The following GK5 variants were observed in gnomAD, a reference collection of about 807,000 sequenced individuals.
GK5 encodes the protein ATP:glycerol 3-phosphotransferase 5.
In GK5, 39 loss-of-function variants were observed where a neutral mutation model predicts 77.3. That is an observed-to-expected ratio of 0.50 (90% CI 0.39 to 0.66). GK5 has a LOEUF of 0.66. Among genes scored for constraint, GK5 ranks in the 30% least tolerant of loss-of-function variants. The pLI, the probability that GK5 is intolerant of heterozygous loss-of-function variation, is 0.00. For missense variants in GK5, 487 were observed against 633.8 expected (o/e 0.77, Z 2.49); for synonymous variants, 211 against 208.0 (o/e 1.01, Z -0.13).
At position 142,208,331 on chromosome 3, in the gene GK5, C is replaced by T. The variant is rs867223098; in HGVS notation, c.318-3543G>A. ...TATCTATTTTTTATTTTGTTAACTG[C>T]TTTTGATGTCATTTAAGGAATCACT... On this transcript the variant is annotated intron_variant, in intron 3 of 15. Coordinates refer to ENST00000392993, the MANE Select transcript of GK5 (RefSeq NM_001039547.3). Among the ~76,000 whole-genome samples, 19 of 152,142 alleles carry T rather than the reference C, an allele frequency of 1.2e-4. No homozygotes were observed. The South Asian group carries it at 2.3e-3, about 18-fold the overall frequency.
intron 6 of GK5, 140 bp downstream of exon 6, chr3:142,187,564 C>T: frequency 1.6e-6 from 1 of 644,456 alleles, no homozygotes. Flanking sequence ...ATGATTACAC[C>T]ATTGCACTCC....
At chr3:142,180,450 AC>A (rs1266917483) in intron 11 of GK5, among the ~76,000 whole-genome samples, 15 of 151,526 alleles carry the variant, frequency 9.9e-5, no homozygotes, top group African/African-American at 3.4e-4. Context: ...TTACAGGCGC[AC>A]ACCACCATGC....
At chr3:142,206,025 G>C (rs190825976) in intron 3 of GK5, among the ~76,000 whole-genome samples, 4 of 152,104 alleles carry the variant, frequency 2.6e-5, no homozygotes, top group East Asian at 1.9e-4. Flanking sequence ...TTTATATTTG[G>C]CTTACTTCAC....
chr3:142,170,094 T>C (rs919043538), intron 15 of GK5: 9 of 591,792 alleles, frequency 1.5e-5, no homozygotes, highest in East Asian at 3.0e-5. Context: ...TTAACTGTTC[T>C]TGTCTCATAC....
chr3:142,196,170 A>G (rs774469936), intron 5 of GK5, among the ~76,000 whole-genome samples: 11 of 152,102 alleles, frequency 7.2e-5, no homozygotes, highest in Non-Finnish European at 1.3e-4. Flanking sequence ...GTCAGTATTA[A>G]TATCCATAAT....
At chr3:142,166,042 A>T (rs2063469917) in intron 15 of GK5, among the ~76,000 whole-genome samples, 1 of 152,208 alleles carries the variant, frequency 6.6e-6, no homozygotes, top group Admixed American at 6.5e-5. Context: ...CTATGCCATC[A>T]TTTAATTTCA....
intron 1 of GK5, among the ~76,000 whole-genome samples, chr3:142,222,743 C>A (rs1007357076): frequency 1.3e-5 from 2 of 151,892 alleles, no homozygotes; most frequent in African/African-American, 2.4e-5. Context: ...ACCTGGGGGA[C>A]AGAGTTAGAA....
chr3:142,192,460 T>G (rs1028820205), intron 5 of GK5, among the ~76,000 whole-genome samples: 4 of 152,166 alleles, frequency 2.6e-5, no homozygotes, highest in African/African-American at 9.7e-5. Flanking sequence ...AACCAAGATG[T>G]TTTTCAATAG....
In GK5 at chr3:142,162,207, A is replaced by C. The variant is rs373876316; in HGVS notation, c.*3415T>G. 2 of 152,320 alleles carry C rather than the reference A, an allele frequency of 1.3e-5. No individual in the cohort carries two copies. The highest frequency in any genetic ancestry group is 3.9e-4 in the East Asian group (2 of 5,184). The allele number at this position is 152,320 out of a possible 1,614,324, so 9.4% of individuals were successfully genotyped here. A position where few individuals can be genotyped will look rare whatever the true frequency, so the allele number is the denominator to read the frequency against. On this transcript the variant is annotated 3_prime_UTR_variant, in exon 16 of 16. Transcript: ENST00000392993. ...ACCATTTCCTAAGGTAAAATGAGGC[A>C]GAAAGAAAAGGAGTATGACACTATA...
intron 3 of GK5, 87 bp downstream of exon 3, chr3:142,213,439 G>T: frequency 1.2e-6 from 1 of 850,942 alleles, no homozygotes; most frequent in South Asian, 1.4e-5. Context: ...AATTCAGAAA[G>T]TTAAAACTCC....
intron 3 of GK5, among the ~76,000 whole-genome samples, chr3:142,212,004 C>T (rs2064194378): frequency 6.6e-6 from 1 of 152,200 alleles, no homozygotes; most frequent in Non-Finnish European, 1.5e-5. Context: ...GCCCAAACAT[C>T]AAGGCCAGCA....
intron 1 of GK5, among the ~76,000 whole-genome samples, chr3:142,222,777 T>G (rs2064370787): frequency 6.6e-6 from 1 of 152,092 alleles, no homozygotes; most frequent in Non-Finnish European, 1.5e-5. Context: ...ATAACAATAA[T>G]TTTTATAAAG....
intron 6 of GK5, among the ~76,000 whole-genome samples, 174 bp downstream of exon 6, chr3:142,187,530 A>G (rs1042876924): frequency 2.0e-5 from 3 of 151,876 alleles, no homozygotes; most frequent in Admixed American, 6.6e-5. Context: ...GCTTGAGCCC[A>G]GGAAGCTGAG....
chr3:142,184,024 C>T (rs1278893260), intron 9 of GK5, among the ~76,000 whole-genome samples: 1 of 151,332 alleles, frequency 6.6e-6, no homozygotes, highest in East Asian at 1.9e-4. Context: ...TTTGGGAGGC[C>T]GAGGTGGGCA....
At position 142,170,440 on chromosome 3, in the gene GK5, A is replaced by C; in HGVS notation, c.1326T>G (p.Cys442Trp). 1 of 1,613,114 alleles carries C rather than the reference A, an allele frequency of 6.2e-7. No individual in the cohort carries two copies. The highest frequency in any genetic ancestry group is 1.1e-5 in the South Asian group (1 of 91,034). Reference sequence around the variant, plus strand: ...TCATCTGCATGACAAAACCATTCTTACAAACTCCTCCATCTGCCCTGTGGG... The same window carrying C: ...TCATCTGCATGACAAAACCATTCTTCCAAACTCCTCCATCTGCCCTGTGGG... ...VRKIRADGGVCKNGFVMQMTS... is the reference protein window; with the variant it reads ...VRKIRADGGVWKNGFVMQMTS... Residue 442 changes from cysteine to tryptophan, a missense_variant, in exon 15 of 16, where the codon TGT (cysteine) becomes TGG (tryptophan). Physicochemically the swap from Cys to Trp is radical, Grantham distance 215. Transcript: ENST00000392993.
intron 2 of GK5, 47 bp downstream of exon 2, chr3:142,215,552 A>C: frequency 3.8e-6 from 3 of 794,258 alleles, no homozygotes; most frequent in East Asian, 3.1e-5. Context: ...AAACTATTAC[A>C]AAAAAAAAAC....
chr3:142,216,269 AG>A (rs2064275784), intron 1 of GK5, among the ~76,000 whole-genome samples: 1 of 152,166 alleles, frequency 6.6e-6, no homozygotes, highest in South Asian at 2.1e-4. Flanking sequence ...TAGGGCACAG[AG>A]GAAGTGCCAG....
Position 142,177,503 on chromosome 3 carries a change from A to C in GK5, c.1122T>G (p.Val374=). 6.2e-7 allele frequency: 1 copy of C among 1,609,238 alleles called. No individual in the cohort carries two copies. Among genetic ancestry groups the C allele is most frequent in the Non-Finnish European group, 8.5e-7 (1 of 1,175,772 alleles). ...ATACCTGTAATCCACTAAAAGATGG[A>C]ACAAAACAAACTCCTTCAGAATCCT... ...SLEDSEGVCF[V]PSFSGLQAPL... is the part of the protein sequence containing the mutation. The change falls in exon 12 of 16, where the codon GTT becomes GTG. Residue 374 remains valine (V), a synonymous_variant. Transcript: ENST00000392993.
At chr3:142,175,887 G>C (rs2063603349) in intron 12 of GK5, among the ~76,000 whole-genome samples, 1 of 149,632 alleles carries the variant, frequency 6.7e-6, no homozygotes, top group African/African-American at 2.4e-5. Context: ...GGTATGTGAG[G>C]TGATAGAGAA....
Sources: allele counts gnomAD v4.1 joint callset (sites outside exome capture counted in the v4.1 genomes callset), GRCh38; gene constraint gnomAD v4.1.1; transcripts MANE v1.5; gene names NCBI Gene and HGNC (gene_info 2026-07-23, HGNC 2026-07-21).